The following PARD3B variants were observed in gnomAD, a reference collection of about 807,000 sequenced individuals.
The protein encoded by PARD3B is partitioning defective 3 homolog B.
A neutral mutation model predicts 130.2 loss-of-function variants in PARD3B; 103 were observed. The observed-to-expected ratio is 0.79, with a 90% CI of 0.67 to 0.93. PARD3B has a LOEUF of 0.93. Ranked by LOEUF, PARD3B falls within the 40% of genes least tolerant of loss-of-function variation. PARD3B has a pLI of 0.00. For missense variants in PARD3B, 1,609 were observed against 1,499.2 expected, an observed-to-expected ratio of 1.07 and a Z score of -1.21; for synonymous variants, 583 against 553.2, an observed-to-expected ratio of 1.05 and a Z score of -0.76.
At position 205,176,650 on chromosome 2, in the gene PARD3B, A is replaced by AAAAAAAAAG; in HGVS notation, c.1924+80_1924+81insAGAAAAAAA. 7 of 1,419,420 alleles carry AAAAAAAAAG rather than the reference A, an allele frequency of 4.9e-6. No homozygotes were observed. The highest frequency in any genetic ancestry group is 5.7e-6 in the Non-Finnish European group (6 of 1,061,894). The allele number at this position is 1,419,420 out of a possible 1,614,324, so 87.9% of individuals were successfully genotyped here. The stretch of plus-strand genomic sequence containing the variant: ...AAAAGTGTCTTTTTATCTAAAAAAA[A>AAAAAAAAAG]AAAAAAAGAGTAAAGGGGAGTTAAT... On this transcript the variant is annotated intron_variant, in intron 13 of 22. Transcript: ENST00000406610. The surrounding 1 kb of genome is among the most constrained non-coding windows in gnomAD (Gnocchi z 5.3).
intron 1 of PARD3B, among the ~76,000 whole-genome samples, chr2:204,680,544 TC>T (rs1468698781): frequency 6.6e-6 from 1 of 152,074 alleles, no homozygotes; most frequent in African/African-American, 2.4e-5. Context: ...ATTTCATTGT[TC>T]TTTGCTCTTT....
rs1422405102 is a variant in PARD3B at position 204,672,011 on chromosome 2, GTGT to G, written c.121-14162_121-14160del. ...TAAGGTGAATTTTTAGCTTAATATT[GTGT>G]TGTTGTTTACTTCTTACACAATTGG... is the stretch of plus-strand genomic sequence containing the variant. On this transcript the variant is annotated intron_variant, in intron 1 of 22. Coordinates refer to ENST00000406610, the MANE Select transcript of PARD3B (RefSeq NM_001302769.2). Among the ~76,000 whole-genome samples the G allele has an allele frequency of 2.0e-5, 3 of 151,982 alleles. No homozygotes were observed. In the East Asian group the frequency reaches 5.8e-4, roughly 29 times the overall value.
At chr2:205,604,234 T>C (rs576792713) in intron 22 of PARD3B, among the ~76,000 whole-genome samples, 14 of 152,140 alleles carry the variant, frequency 9.2e-5, no homozygotes, top group Non-Finnish European at 1.6e-4. Context: ...GTTAAAGACA[T>C]ACCCAAGACT....
chr2:205,472,774 G>A (rs1172719324), intron 20 of PARD3B, among the ~76,000 whole-genome samples: 2 of 152,074 alleles, frequency 1.3e-5, no homozygotes, highest in African/African-American at 2.4e-5. Context: ...TATAACAGAG[G>A]GAAAGGCAAG....
At chr2:205,472,915 G>C (rs1453716281) in intron 20 of PARD3B, among the ~76,000 whole-genome samples, 1 of 152,090 alleles carries the variant, frequency 6.6e-6, no homozygotes, top group Non-Finnish European at 1.5e-5. Context: ...TAGTCACTTG[G>C]ATTACAGAAG....
At chr2:204,637,078 G>GT (rs368258966) in intron 1 of PARD3B, among the ~76,000 whole-genome samples, 1,693 of 151,964 alleles carry the variant, frequency 0.011, 30 homozygotes, top group African/African-American at 0.038. Context: ...GTTTTAATGT[G>GT]TTTTTTTCCC....
intron 4 of PARD3B, among the ~76,000 whole-genome samples, chr2:205,053,290 T>C (rs1401411558): frequency 6.6e-6 from 1 of 151,870 alleles, no homozygotes; most frequent in Non-Finnish European, 1.5e-5. Context: ...GTTAAAATAA[T>C]TGATCGCCAC....
At chr2:204,966,162 G>A (rs1691224924) in intron 3 of PARD3B, among the ~76,000 whole-genome samples, 1 of 152,128 alleles carries the variant, frequency 6.6e-6, no homozygotes, top group Admixed American at 6.5e-5. Flanking sequence ...AAAATGGTTA[G>A]AATCGTACAT....
At chr2:204,655,069 T>G (rs757427101) in intron 1 of PARD3B, among the ~76,000 whole-genome samples, 3 of 152,178 alleles carry the variant, frequency 2.0e-5, no homozygotes, top group African/African-American at 7.2e-5. Context: ...CTGGGTGATA[T>G]CTGAGAGTAG....
At chr2:205,594,645 A>G (rs1416009620) in intron 22 of PARD3B, among the ~76,000 whole-genome samples, 1 of 152,202 alleles carries the variant, frequency 6.6e-6, no homozygotes, top group Admixed American at 6.5e-5. Context: ...TCCTGAGATT[A>G]AAGAAAAGCA....
At chr2:205,172,789 A>G (rs2035248734) in intron 12 of PARD3B, among the ~76,000 whole-genome samples, 3 of 152,250 alleles carry the variant, frequency 2.0e-5, no homozygotes. Context: ...CTGCATATAA[A>G]TAATGCAGAC....
chr2:205,575,396 T>C lies in PARD3B; in HGVS notation c.3260+21993T>C, dbSNP rs1287308294. Among the ~76,000 whole-genome samples, 1 of 151,920 alleles carries C rather than the reference T, an allele frequency of 6.6e-6. No homozygotes were observed. Among genetic ancestry groups the C allele is most frequent in the African/African-American group, 2.4e-5 (1 of 41,360 alleles). The stretch of plus-strand genomic sequence containing the variant: ...ACACATCATAATCACCCAAAGCCCA[T>C]AGTTTACATTAGCGCTCTCTCGGTG... On this transcript the variant is annotated intron_variant, in intron 22 of 22. Coordinates refer to ENST00000406610, the MANE Select transcript of PARD3B (RefSeq NM_001302769.2). This position sits in a 1 kb window ranked among gnomAD's most constrained non-coding sequence, Gnocchi z 4.6.
chr2:204,686,076 A>C, intron 1 of PARD3B, 105 bp from the exon 2 acceptor site: 2 of 746,948 alleles, frequency 2.7e-6, no homozygotes, highest in Non-Finnish European at 4.5e-6. Context: ...AAATTTGATT[A>C]CTAGAACATA....
chr2:205,561,178 G>T (rs1269006334), intron 22 of PARD3B, among the ~76,000 whole-genome samples: 1 of 152,082 alleles, frequency 6.6e-6, no homozygotes, highest in Non-Finnish European at 1.5e-5. Context: ...CTCCCTCTCA[G>T]ATTTCTCTTG....
At position 205,265,068 on chromosome 2, in the gene PARD3B, C is replaced by T. The variant is rs76672616; in HGVS notation, c.2185+19246C>T. On this transcript the variant is annotated intron_variant, in intron 16 of 22. Coordinates refer to ENST00000406610, the MANE Select transcript of PARD3B (RefSeq NM_001302769.2). This position sits in a 1 kb window ranked among gnomAD's most constrained non-coding sequence, Gnocchi z 4.3. The stretch of plus-strand genomic sequence containing the variant: ...AACAACCAGGGAAAAATATCAACAG[C>T]GAAACCGGATAGATGTGGCACCAAT... Among the ~76,000 whole-genome samples, 502 of 151,694 alleles carry T rather than the reference C, an allele frequency of 3.3e-3. 15 individuals are homozygous for T. The highest frequency in any genetic ancestry group is 0.012 in the African/African-American group (479 of 41,392).
intron 20 of PARD3B, among the ~76,000 whole-genome samples, chr2:205,443,755 G>A (rs2047807873): frequency 6.6e-6 from 1 of 152,210 alleles, no homozygotes; most frequent in Non-Finnish European, 1.5e-5. Flanking sequence ...GATAGGAAAA[G>A]TGGCTGCAAA....
chr2:205,173,255 G>T (rs7566957), intron 12 of PARD3B, among the ~76,000 whole-genome samples: 54,691 of 152,054 alleles, frequency 0.36, 10,104 homozygotes, highest in Middle Eastern at 0.51. Context: ...AGAGTTCAGC[G>T]TAATAATTGA....
At chr2:205,303,472 A>G (rs1443835290) in intron 18 of PARD3B, among the ~76,000 whole-genome samples, 1 of 152,180 alleles carries the variant, frequency 6.6e-6, no homozygotes, top group Non-Finnish European at 1.5e-5. Flanking sequence ...CTTCTTGGAC[A>G]GTGCCAGTTT....
chr2:205,116,263 A>T lies in PARD3B; in HGVS notation c.681-2658A>T, dbSNP rs950290458. Among the ~76,000 whole-genome samples the T allele has an allele frequency of 1.3e-5, 2 of 152,178 alleles. No homozygotes were observed. Among genetic ancestry groups the T allele is most frequent in the African/African-American group, 4.8e-5 (2 of 41,434 alleles). On this transcript the variant is annotated intron_variant, in intron 6 of 22. Coordinates refer to ENST00000406610, the MANE Select transcript of PARD3B (RefSeq NM_001302769.2). The surrounding 1 kb of genome is among the most constrained non-coding windows in gnomAD (Gnocchi z 4.5). ...TAATTCGTTTCAGTACAGATGCATAATATGCCTCAGTTTCATAGGGAAGAC... is the reference window on the plus strand; with the variant it reads ...TAATTCGTTTCAGTACAGATGCATATTATGCCTCAGTTTCATAGGGAAGAC...
Sources: gnomAD v4.1 joint callset for allele counts (sites outside exome capture counted in the v4.1 genomes callset) on GRCh38, gnomAD v4.1.1 for gene constraint, Gnocchi (gnomAD v3.1) non-coding constraint, MANE v1.5 for transcripts, NCBI Gene and HGNC (gene_info 2026-07-23, HGNC 2026-07-21) for gene names.